The following IQCH variants were observed in gnomAD, a reference collection of about 807,000 sequenced individuals.
IQCH encodes IQ domain-containing protein H.
In IQCH, 98 loss-of-function variants were observed where a neutral mutation model predicts 117.0. The ratio of observed to expected loss-of-function variants is 0.84; its 90% CI spans 0.71 to 0.99. The LOEUF is 0.99. IQCH is among the 50% of genes least tolerant of loss of function. The probability of loss-of-function intolerance (pLI) is 0.00; values close to 1 mark genes in which losing one functional copy is unlikely to be tolerated. For synonymous variants in IQCH, 412 were observed against 448.2 expected, an observed-to-expected ratio of 0.92 and a Z score of 1.02; for missense variants, 1,102 against 1,243.8, an observed-to-expected ratio of 0.89 and a Z score of 1.72.
In IQCH at chr15:67,474,095, T is replaced by C. The variant is rs1365515084; in HGVS notation, c.2677-1601T>C. Among the ~76,000 whole-genome samples, 1 of 151,016 alleles carries C rather than the reference T, an allele frequency of 6.6e-6. No homozygotes were observed. Among genetic ancestry groups the C allele is most frequent in the Non-Finnish European group, 1.5e-5 (1 of 67,758 alleles). ...GTGTGTGTGTGTGTGTGTGTGTGTG[T>C]GTGTGTGTGGAGAGGGAGAGAGGGA... On this transcript the variant is annotated intron_variant, in intron 17 of 20. Coordinates refer to ENST00000335894, the MANE Select transcript of IQCH (RefSeq NM_001031715.3). The surrounding 1 kb of genome is among the most constrained non-coding windows in gnomAD (Gnocchi z 4.1).
intron 16 of IQCH, among the ~76,000 whole-genome samples, chr15:67,449,691 T>C (rs2082472583): frequency 6.6e-6 from 1 of 152,230 alleles, no homozygotes; most frequent in Non-Finnish European, 1.5e-5. Context: ...TGGCTTAGGA[T>C]TGACTTGGCC....
rs1051399347 is a variant in IQCH, at chr15:67,473,404, C to T, written c.2677-2292C>T. On this transcript the variant is annotated intron_variant, in intron 17 of 20. Coordinates refer to ENST00000335894, the MANE Select transcript of IQCH (RefSeq NM_001031715.3). The surrounding 1 kb of genome is among the most constrained non-coding windows in gnomAD (Gnocchi z 4.9). ...CACCAATTATTCCTGCTTAGTCCAC[C>T]AGAGCCATGCTGTCCTCCAGCAGGC... Among the ~76,000 whole-genome samples the T allele has an allele frequency of 3.3e-5, 5 of 151,668 alleles. No homozygotes were observed. The highest frequency in any genetic ancestry group is 4.4e-5 in the Non-Finnish European group (3 of 68,026).
chr15:67,256,685 T>C (rs1965230267), intron 1 of IQCH, among the ~76,000 whole-genome samples: 1 of 152,176 alleles, frequency 6.6e-6, no homozygotes, highest in Non-Finnish European at 1.5e-5. Flanking sequence ...TGGAGACTCT[T>C]ACCTAGGATA....
chr15:67,335,997 T>C (rs1486598047), intron 4 of IQCH, among the ~76,000 whole-genome samples: 1 of 152,128 alleles, frequency 6.6e-6, no homozygotes, highest in Non-Finnish European at 1.5e-5. Context: ...ACTATGACCT[T>C]AATGGCAATA....
In IQCH at chr15:67,463,618, G is replaced by A. The variant is rs1341601873; in HGVS notation, c.2506-1509G>A. 6.6e-6 allele frequency among the ~76,000 whole-genome samples: 1 copy of A among 152,054 alleles called. No homozygotes were observed. Among genetic ancestry groups the A allele is most frequent in the East Asian group, 1.9e-4 (1 of 5,190 alleles). On this transcript the variant is annotated intron_variant, in intron 16 of 20. Transcript: ENST00000335894. This position sits in a 1 kb window ranked among gnomAD's most constrained non-coding sequence, Gnocchi z 4.0. ...ATCTGAGATATTTATGATTCACCCA[G>A]CTTCATAAAAACTGCAGGTACTTGA...
At chr15:67,332,955 C>G (rs187349007) in intron 4 of IQCH, among the ~76,000 whole-genome samples, 2 of 152,242 alleles carry the variant, frequency 1.3e-5, no homozygotes, top group African/African-American at 4.8e-5. Context: ...ATTTATTTCT[C>G]ACAGTTTTGG....
At chr15:67,400,789 A>G (rs1288663821) in intron 14 of IQCH, among the ~76,000 whole-genome samples, 4 of 151,910 alleles carry the variant, frequency 2.6e-5, no homozygotes, top group Non-Finnish European at 4.4e-5. Flanking sequence ...ATGAGCCACA[A>G]TTTGGGTTAT....
At chr15:67,278,815 T>C (rs1966234183) in intron 3 of IQCH, among the ~76,000 whole-genome samples, 1 of 152,350 alleles carries the variant, frequency 6.6e-6, no homozygotes, top group East Asian at 1.9e-4. Context: ...TTGAACTTGC[T>C]TTCAAATTAA....
At chr15:67,271,875 A>G (rs905706811) in intron 3 of IQCH, among the ~76,000 whole-genome samples, 8 of 151,692 alleles carry the variant, frequency 5.3e-5, no homozygotes, top group African/African-American at 1.7e-4. Context: ...ACCACCTTTT[A>G]ATTTTGTTGA....
At position 67,359,742 on chromosome 15, in the gene IQCH, C is replaced by A. The variant is rs72745469; in HGVS notation, c.715-105C>A. The A allele has an allele frequency of 4.6e-3, 4,345 of 951,438 alleles. 17 individuals are homozygous for A. The highest frequency in any genetic ancestry group is 6.7e-3 in the Non-Finnish European group (3,899 of 580,732). The allele number at this position is 951,438 out of a possible 1,614,324, so 58.9% of individuals were successfully genotyped here. A position where few individuals can be genotyped will look rare whatever the true frequency, so the allele number is the denominator to read the frequency against. On this transcript the variant is annotated intron_variant, in intron 7 of 20. Coordinates refer to ENST00000335894, the MANE Select transcript of IQCH (RefSeq NM_001031715.3). This position sits in a 1 kb window ranked among gnomAD's most constrained non-coding sequence, Gnocchi z 4.5. ...GGAAAGAGAGAACAGGCTGGCCCAGCGGGTAAAATGGGGAAGGGGGTGAGG... is the reference window on the plus strand; with the variant it reads ...GGAAAGAGAGAACAGGCTGGCCCAGAGGGTAAAATGGGGAAGGGGGTGAGG...
At chr15:67,468,358 C>T (rs2082985462) in intron 17 of IQCH, among the ~76,000 whole-genome samples, 1 of 152,172 alleles carries the variant, frequency 6.6e-6, no homozygotes, top group Non-Finnish European at 1.5e-5. Context: ...GATTCTGTCT[C>T]CTGTAATTTA....
intron 16 of IQCH, among the ~76,000 whole-genome samples, chr15:67,460,941 C>CA (rs2082777076): frequency 6.6e-6 from 1 of 152,204 alleles, no homozygotes; most frequent in South Asian, 2.1e-4. Flanking sequence ...ACCACATAAA[C>CA]ATTTTAAATT....
rs940701428 is a variant in IQCH at position 67,416,181 on chromosome 15, G to A, written c.2098-750G>A. Among the ~76,000 whole-genome samples, 8 of 152,134 alleles carry A rather than the reference G, an allele frequency of 5.3e-5. No individual in the cohort carries two copies. In the South Asian group the frequency reaches 6.2e-4, roughly 12 times the overall value. On this transcript the variant is annotated intron_variant, in intron 14 of 20. Transcript: ENST00000335894. This position sits in a 1 kb window ranked among gnomAD's most constrained non-coding sequence, Gnocchi z 5.1. ...GTGGATCACCTGAGGTCAGGAGTTC[G>A]AGATCAGTATGACCAACATGGTGAA...
At chr15:67,286,248 A>G (rs1361078375) in intron 4 of IQCH, among the ~76,000 whole-genome samples, 2 of 152,188 alleles carry the variant, frequency 1.3e-5, no homozygotes, top group Admixed American at 1.3e-4. Context: ...CTGTGGGCTT[A>G]TAGAAATGCT....
At chr15:67,289,949 C>T (rs1046864102) in intron 4 of IQCH, among the ~76,000 whole-genome samples, 1 of 152,082 alleles carries the variant, frequency 6.6e-6, no homozygotes, top group African/African-American at 2.4e-5. Context: ...AGTCTAGATT[C>T]TTCCAAATCA....
intron 3 of IQCH, among the ~76,000 whole-genome samples, chr15:67,278,885 A>G (rs544362597): frequency 2.0e-4 from 30 of 152,236 alleles, no homozygotes; most frequent in African/African-American, 6.7e-4. Context: ...TTTTTTTTAC[A>G]TTGCTCTCCC....
In IQCH at chr15:67,401,412, C is replaced by T. The variant is rs972046912; in HGVS notation, c.2097+1107C>T. Among the ~76,000 whole-genome samples the T allele has an allele frequency of 6.6e-6, 1 of 152,176 alleles. No individual in the cohort carries two copies. Among genetic ancestry groups the T allele is most frequent in the Admixed American group, 6.5e-5 (1 of 15,272 alleles). ...GCTGACCTGCTGGTTAAAGCATAAC[C>T]GATTAGGAAAATCACAATGCAAATT... On this transcript the variant is annotated intron_variant, in intron 14 of 20. Transcript: ENST00000335894. The surrounding 1 kb of genome is among the most constrained non-coding windows in gnomAD (Gnocchi z 4.7).
chr15:67,418,433 G>A (rs2081630514), intron 15 of IQCH, among the ~76,000 whole-genome samples: 1 of 148,870 alleles, frequency 6.7e-6, no homozygotes, highest in Non-Finnish European at 1.5e-5. Flanking sequence ...TTGTGATTCT[G>A]TAAATTTCCA....
At chr15:67,313,069 G>A (rs888363896) in intron 4 of IQCH, among the ~76,000 whole-genome samples, 9 of 152,094 alleles carry the variant, frequency 5.9e-5, no homozygotes, top group Non-Finnish European at 8.8e-5. Flanking sequence ...TTACTTAGAG[G>A]AGATTCCTCT....
Sources: gnomAD v4.1 joint callset for allele counts (sites outside exome capture counted in the v4.1 genomes callset) on GRCh38, gnomAD v4.1.1 for gene constraint, Gnocchi (gnomAD v3.1) non-coding constraint, MANE v1.5 for transcripts, NCBI Gene and HGNC (gene_info 2026-07-23, HGNC 2026-07-21) for gene names.